PALM2AKAP2: variants seen among roughly 807,000 people sequenced by gnomAD.
PALM2AKAP2 encodes PALM2-AKAP2 fusion protein.
PALM2AKAP2 carries 37 observed loss-of-function variants against 71.5 expected under a neutral mutation model. The ratio of observed to expected loss-of-function variants is 0.52; its 90% CI spans 0.40 to 0.68. PALM2AKAP2 has a LOEUF of 0.68. Among genes scored for constraint, PALM2AKAP2 ranks in the 30% least tolerant of loss-of-function variants. PALM2AKAP2 has a pLI of 0.00. For missense variants in PALM2AKAP2, 1,224 were observed against 1,191.8 expected (o/e 1.03, Z -0.40); for synonymous variants, 468 against 478.8 (o/e 0.98, Z 0.29).
intron 1 of PALM2AKAP2, among the ~76,000 whole-genome samples, chr9:109,767,526 C>A (rs1195483961): frequency 2.6e-5 from 4 of 152,246 alleles, no homozygotes; most frequent in Admixed American, 2.0e-4. Context: ...TCATCCCTGG[C>A]AGCTGGAGTG....
At chr9:110,152,686 C>T (rs73655314) in intron 2 of PALM2AKAP2, among the ~76,000 whole-genome samples, 5,328 of 152,262 alleles carry the variant, frequency 0.035, 318 homozygotes, top group African/African-American at 0.12. Flanking sequence ...GTGCTGTCAC[C>T]GTCCTAATGG....
At chr9:109,784,137 A>T (rs1358587769) in intron 1 of PALM2AKAP2, among the ~76,000 whole-genome samples, 1 of 152,244 alleles carries the variant, frequency 6.6e-6, no homozygotes, top group African/African-American at 2.4e-5. Context: ...CTGAAACAGC[A>T]TGAGTGAGAA....
chr9:109,805,430 AT>A (rs35417438), intron 1 of PALM2AKAP2, among the ~76,000 whole-genome samples: 3 of 152,044 alleles, frequency 2.0e-5, no homozygotes, highest in African/African-American at 7.2e-5. Context: ...AGAGCAGTTG[AT>A]TTTTTTCCCC....
chr9:109,761,126 A>C (rs909016413), intron 1 of PALM2AKAP2, among the ~76,000 whole-genome samples: 1 of 152,228 alleles, frequency 6.6e-6, no homozygotes, highest in Non-Finnish European at 1.5e-5. Context: ...AAAGTGATCT[A>C]TTTGAATGAA....
At chr9:109,722,343 C>A (rs1164987012) in intron 1 of PALM2AKAP2, among the ~76,000 whole-genome samples, 1 of 152,168 alleles carries the variant, frequency 6.6e-6, no homozygotes, top group African/African-American at 2.4e-5. Flanking sequence ...TCCCTGGAAG[C>A]ATACATAAGA....
At chr9:110,071,108 G>C (rs1293169629) in intron 1 of PALM2AKAP2, among the ~76,000 whole-genome samples, 1 of 139,170 alleles carries the variant, frequency 7.2e-6, no homozygotes, top group Non-Finnish European at 1.5e-5. Flanking sequence ...AGGCTGCAGG[G>C]AGCCCAGATC....
intron 1 of PALM2AKAP2, among the ~76,000 whole-genome samples, chr9:109,757,943 T>G (rs4587404): frequency 0.81 from 122,325 of 151,698 alleles, 49,389 homozygotes; most frequent in East Asian, 0.9. Flanking sequence ...AATTCAAAAT[T>G]TATATCCACA....
chr9:109,941,486 C>G (rs1831365638), intron 6 of PALM2AKAP2, among the ~76,000 whole-genome samples: 1 of 152,164 alleles, frequency 6.6e-6, no homozygotes, highest in African/African-American at 2.4e-5. Flanking sequence ...ATTCTCAGGC[C>G]TGTGGCTTGA....
chr9:109,802,165 T>G lies in PALM2AKAP2; in HGVS notation c.45+21632T>G, dbSNP rs183758181. 1.5e-3 allele frequency among the ~76,000 whole-genome samples: 221 copies of G among 152,334 alleles called. 1 individual carries two copies. The highest frequency in any genetic ancestry group is 4.8e-3 in the African/African-American group (201 of 41,574). On this transcript the variant is annotated intron_variant, in intron 1 of 9. Transcript: ENST00000302798. The stretch of plus-strand genomic sequence containing the variant: ...AAATGCATAGCAATAATCCTAGTCT[T>G]AATTTTAGCCTCTTCTGGGCATCTG...
chr9:109,721,878 G>A (rs1358306484), intron 1 of PALM2AKAP2, among the ~76,000 whole-genome samples: 1 of 152,144 alleles, frequency 6.6e-6, no homozygotes, highest in Non-Finnish European at 1.5e-5. Flanking sequence ...TCCATCATCT[G>A]TCATACCTAA....
chr9:109,666,890 C>T lies in PALM2AKAP2; in HGVS notation c.5+26024C>T, dbSNP rs369322184. Among the ~76,000 whole-genome samples, 4 of 152,264 alleles carry T rather than the reference C, an allele frequency of 2.6e-5. No homozygotes were observed. The South Asian group carries it at 6.2e-4, about 24-fold the overall frequency. On this transcript the variant is annotated intron_variant, in intron 1 of 6. Coordinates refer to the PALM2AKAP2 transcript ENST00000374531. ...GTTAGATGTGTTCTGTGTGTGCAGGCGACAGAAGCAAGCAACAGAAACCAG... is the reference window on the plus strand; with the variant it reads ...GTTAGATGTGTTCTGTGTGTGCAGGTGACAGAAGCAAGCAACAGAAACCAG...
At chr9:109,738,648 G>A (rs1564130331) in intron 1 of PALM2AKAP2, among the ~76,000 whole-genome samples, 1 of 152,164 alleles carries the variant, frequency 6.6e-6, no homozygotes, top group Admixed American at 6.5e-5. Flanking sequence ...AAGAAAAAGG[G>A]AGTCAACAGA....
At chr9:109,759,470 T>C (rs2118730914) in intron 1 of PALM2AKAP2, among the ~76,000 whole-genome samples, 1 of 152,270 alleles carries the variant, frequency 6.6e-6, no homozygotes, top group African/African-American at 2.4e-5. Flanking sequence ...GCATCCATCA[T>C]AATATAAGAC....
At chr9:109,835,853 G>A (rs1016850672) in intron 1 of PALM2AKAP2, among the ~76,000 whole-genome samples, 4 of 152,242 alleles carry the variant, frequency 2.6e-5, no homozygotes, top group African/African-American at 9.6e-5. Flanking sequence ...CCATTGCTGA[G>A]GCTTGAGTAG....
intron 6 of PALM2AKAP2, among the ~76,000 whole-genome samples, chr9:109,998,762 C>T (rs370082984): frequency 1.7e-5 from 2 of 116,518 alleles, no homozygotes; most frequent in East Asian, 4.4e-4. Context: ...GAGACCCTGT[C>T]GCAAAAAAAA....
rs3062680 is a variant in PALM2AKAP2, at chr9:109,657,452, T to TTGTGTGTGTGTGTGTGTGTGTG, written c.5+16592_5+16613dup. On this transcript the variant is annotated intron_variant, in intron 1 of 6. Transcript: ENST00000374531. ...TCTGAGAACAAAAGCAATATGGTAT[T>TTGTGTGTGTGTGTGTGTGTGTG]TGTGTGTGTGTGTGTGTGTGTGTGT... is the stretch of plus-strand genomic sequence containing the variant. Among the ~76,000 whole-genome samples the TTGTGTGTGTGTGTGTGTGTGTG allele has an allele frequency of 2.5e-3, 369 of 147,186 alleles. 1 individual carries two copies. Among genetic ancestry groups the TTGTGTGTGTGTGTGTGTGTGTG allele is most frequent in the African/African-American group, 8.4e-3 (332 of 39,300 alleles).
chr9:109,981,487 G>T lies in PALM2AKAP2; in HGVS notation c.497-34467G>T, dbSNP rs533507295. Among the ~76,000 whole-genome samples the T allele has an allele frequency of 3.9e-5, 6 of 152,262 alleles. No individual in the cohort carries two copies. The East Asian group carries it at 1.2e-3, about 29-fold the overall frequency. On this transcript the variant is annotated intron_variant, in intron 6 of 9. Transcript: ENST00000302798. Reference sequence around the variant, plus strand: ...TAGGTCTAGCTGAGCTGCTCACCTGGTCCCCATCGCCCACAAAGCTTTAAT... The same window carrying T: ...TAGGTCTAGCTGAGCTGCTCACCTGTTCCCCATCGCCCACAAAGCTTTAAT...
At chr9:109,856,973 C>T (rs1829184024) in intron 1 of PALM2AKAP2, among the ~76,000 whole-genome samples, 1 of 152,156 alleles carries the variant, frequency 6.6e-6, no homozygotes, top group Admixed American at 6.5e-5. Context: ...AGTTGTGCCC[C>T]ATCCCCTCCC....
chr9:109,887,032 T>A (rs1308437737), intron 3 of PALM2AKAP2, among the ~76,000 whole-genome samples: 1 of 152,238 alleles, frequency 6.6e-6, no homozygotes, highest in Non-Finnish European at 1.5e-5. Context: ...ATTTCCACAT[T>A]GGACCTGTGA....
Sources: gnomAD v4.1 joint callset for allele counts (sites outside exome capture counted in the v4.1 genomes callset) on GRCh38, gnomAD v4.1.1 for gene constraint, MANE v1.5 for transcripts, NCBI Gene and HGNC (gene_info 2026-07-23, HGNC 2026-07-21) for gene names.